The following ARHGEF4 variants were observed in gnomAD, a reference collection of about 807,000 sequenced individuals.
The protein encoded by ARHGEF4 is Rho guanine nucleotide exchange factor 4, also known as APC-stimulated guanine nucleotide exchange factor 1.
Under a neutral mutation model 162.0 loss-of-function variants are expected in ARHGEF4, and 119 were observed. The observed-to-expected ratio is 0.73, with a 90% CI of 0.63 to 0.86. The LOEUF is 0.86. Ranked by LOEUF, ARHGEF4 falls within the 40% of genes least tolerant of loss-of-function variation. ARHGEF4 has a pLI of 0.00. For synonymous variants in ARHGEF4, 1,014 were observed against 979.9 expected, an observed-to-expected ratio of 1.03 and a Z score of -0.65; for missense variants, 2,488 against 2,456.0, an observed-to-expected ratio of 1.01 and a Z score of -0.28.
chr2:130,915,940 A>G lies in ARHGEF4; in HGVS notation c.1994A>G (p.Glu665Gly). 5 of 1,550,582 alleles carry G rather than the reference A, an allele frequency of 3.2e-6. No individual in the cohort carries two copies. Among genetic ancestry groups the G allele is most frequent in the Non-Finnish European group, 4.4e-6 (5 of 1,146,990 alleles). ...CGTGACTTTCCTAAGGAAAGACCAGAATCTCCCTTGAGCACTGGCGAGACC... is the reference window on the plus strand; with the variant it reads ...CGTGACTTTCCTAAGGAAAGACCAGGATCTCCCTTGAGCACTGGCGAGACC... The part of the protein sequence containing the change: ...LPRDFPKERP[E>G]SPLSTGETPC... The change falls in exon 2 of 14, where the codon GAA (glutamate) becomes GGA (glycine). Residue 665 changes from glutamate (E) to glycine (G), a missense_variant. Glu to Gly is a moderately conservative substitution (Grantham distance 98). This residue lies in a region of ARHGEF4 where 1,642 missense variants were observed against 1,481.5 expected (regional missense o/e 1.11). Coordinates refer to ENST00000409359, the MANE Select transcript of ARHGEF4 (RefSeq NM_001367493.1).
In ARHGEF4 at chr2:131,003,254, C is replaced by T. The variant is rs574843788; in HGVS notation, c.3986-24691C>T. ...GAGGTCCAGGTCATGCCGTAAGACA[C>T]ACCCCCTCTGCACCTCAGTTCCTGA... On this transcript the variant is annotated intron_variant, in intron 4 of 13. Transcript: ENST00000409359. Among the ~76,000 whole-genome samples the T allele has an allele frequency of 3.0e-4, 46 of 152,330 alleles. No homozygotes were observed. The South Asian group carries it at 7.9e-3, about 26-fold the overall frequency.
At chr2:130,983,460 C>G (rs1040164152) in intron 4 of ARHGEF4, among the ~76,000 whole-genome samples, 2 of 152,052 alleles carry the variant, frequency 1.3e-5, no homozygotes, top group Non-Finnish European at 2.9e-5. Flanking sequence ...CAAAATATCT[C>G]CCAGAGACAA....
intron 4 of ARHGEF4, among the ~76,000 whole-genome samples, chr2:131,025,254 T>C (rs12616721): frequency 0.91 from 137,697 of 152,128 alleles, 63,014 homozygotes; most frequent in Non-Finnish European, 0.98. Context: ...GGGGAAGTGC[T>C]GCATACTTTT....
chr2:130,911,146 G>C (rs1193394597), intron 1 of ARHGEF4, among the ~76,000 whole-genome samples: 16 of 152,120 alleles, frequency 1.1e-4, no homozygotes, highest in Admixed American at 1.0e-3. Context: ...GGAGGAGGTG[G>C]GATGTGGGGC....
intron 4 of ARHGEF4, among the ~76,000 whole-genome samples, chr2:130,977,261 G>A (rs1483440380): frequency 1.3e-5 from 2 of 151,818 alleles, no homozygotes; most frequent in Non-Finnish European, 2.9e-5. Flanking sequence ...TGTGTAGTGT[G>A]TGGTATGTGC....
At chr2:130,945,872 T>G (rs1312526995) in intron 3 of ARHGEF4, among the ~76,000 whole-genome samples, 2 of 152,218 alleles carry the variant, frequency 1.3e-5, no homozygotes, top group Non-Finnish European at 2.9e-5. Context: ...TAAGCACTGT[T>G]TGCTTAATAG....
chr2:130,932,988 G>C (rs952417537), intron 3 of ARHGEF4, among the ~76,000 whole-genome samples: 1 of 152,084 alleles, frequency 6.6e-6, no homozygotes, highest in South Asian at 2.1e-4. Flanking sequence ...AAGCCGAGGC[G>C]GTGGATCACT....
chr2:130,966,647 T>C (rs544105335), intron 4 of ARHGEF4, among the ~76,000 whole-genome samples: 25 of 152,322 alleles, frequency 1.6e-4, no homozygotes, highest in South Asian at 4.1e-4. Context: ...AGCCAGTCTG[T>C]GCCAGCGAGG....
chr2:130,915,471 A>G lies in ARHGEF4; in HGVS notation c.1525A>G (p.Lys509Glu). The stretch of plus-strand genomic sequence containing the variant: ...AAACCAAACCAGTAATTACACATCA[A>G]AGTATGTGCTCAGCGAGGAAAGCAA... The part of the protein sequence containing the change: ...AGNQTSNYTS[K>E]YVLSEESKSP... The change falls in exon 2 of 14, where the codon AAG becomes GAG. Residue 509 changes from lysine to glutamate, a missense_variant. Physicochemically the swap from Lys to Glu is moderately conservative, Grantham distance 56 (BLOSUM62 1). This residue lies in a region of ARHGEF4 where 1,642 missense variants were observed against 1,481.5 expected (regional missense o/e 1.11). Coordinates refer to ENST00000409359, the MANE Select transcript of ARHGEF4 (RefSeq NM_001367493.1). 1 of 1,550,494 alleles carries G rather than the reference A, an allele frequency of 6.4e-7. No individual in the cohort carries two copies. The highest frequency in any genetic ancestry group is 2.4e-5 in the East Asian group (1 of 40,916).
In ARHGEF4 at chr2:130,836,932, T is replaced by G. The variant is rs1204549104; in HGVS notation, c.-22T>G. On this transcript the variant is annotated 5_prime_UTR_variant, in exon 1 of 14. Transcript: ENST00000409359. ...GCGGCTCGTAGTGCTGCGGCCGGGCTCCGGGCGTCCCGGCGGCCACCATGC... is the reference window on the plus strand; with the variant it reads ...GCGGCTCGTAGTGCTGCGGCCGGGCGCCGGGCGTCCCGGCGGCCACCATGC... 39 of 1,222,884 alleles carry G rather than the reference T, an allele frequency of 3.2e-5. No individual in the cohort carries two copies. The highest frequency in any genetic ancestry group is 2.9e-4 in the South Asian group (7 of 24,216). 75.8% of individuals were successfully genotyped at this position (1,222,884 alleles called of 1,614,324 possible). A position where few individuals can be genotyped will look rare whatever the true frequency, so the allele number is the denominator to read the frequency against.
intron 4 of ARHGEF4, among the ~76,000 whole-genome samples, chr2:131,009,126 T>C (rs1193506221): frequency 1.3e-5 from 2 of 152,226 alleles, no homozygotes; most frequent in African/African-American, 4.8e-5. Flanking sequence ...TTTTCTTTTT[T>C]TGGACAGCAG....
chr2:131,041,283 C>T lies in ARHGEF4; in HGVS notation c.4716C>T (p.Cys1572=), dbSNP rs756421247. The part of the protein sequence containing the change: ...SEYCNNHPNA[C]VELSRLTKLS... ...ACTGCAATAACCACCCCAACGCCTG[C>T]GTGGAGCTCTCCCGGCTCACCAAGC... is the stretch of plus-strand genomic sequence containing the variant. Residue 1572 remains cysteine (C), a synonymous_variant, in exon 9 of 14, where the codon TGC becomes TGT. Transcript: ENST00000409359. 3.7e-6 allele frequency: 6 copies of T among 1,613,920 alleles called. No homozygotes were observed. The highest frequency in any genetic ancestry group is 5.1e-6 in the Non-Finnish European group (6 of 1,180,034).
chr2:130,882,231 G>A (rs1031509661), intron 1 of ARHGEF4, among the ~76,000 whole-genome samples: 19 of 152,124 alleles, frequency 1.2e-4, no homozygotes, highest in African/African-American at 4.6e-4. Flanking sequence ...GAAGCAACAG[G>A]TGTGGTTGCC....
At chr2:130,884,580 TAA>T (rs1679395571) in intron 1 of ARHGEF4, among the ~76,000 whole-genome samples, 1 of 152,118 alleles carries the variant, frequency 6.6e-6, no homozygotes, top group African/African-American at 2.4e-5. Flanking sequence ...GCATGATTTT[TAA>T]TACTTTGAGG....
intron 1 of ARHGEF4, among the ~76,000 whole-genome samples, chr2:130,893,442 A>G (rs1304773579): frequency 4.6e-5 from 7 of 152,202 alleles, no homozygotes; most frequent in Admixed American, 2.6e-4. Context: ...TCTTTGAATT[A>G]TGGAGAATGA....
chr2:131,009,160 TCACCACCAGGGACACG>T (rs1408880482), intron 4 of ARHGEF4, among the ~76,000 whole-genome samples: 1 of 152,256 alleles, frequency 6.6e-6, no homozygotes, highest in Non-Finnish European at 1.5e-5. Context: ...GTCCTGTGGG[TCACCACCAGGGACACG>T]CACCTCCTTC....
intron 1 of ARHGEF4, among the ~76,000 whole-genome samples, chr2:130,854,114 G>A (rs1040822641): frequency 2.6e-5 from 4 of 152,158 alleles, no homozygotes; most frequent in African/African-American, 9.7e-5. Context: ...AAGAGAAACG[G>A]TAAATAAAAA....
At chr2:131,041,089 G>C (rs1036377898) in intron 8 of ARHGEF4, 141 bp from the exon 9 acceptor site, 1 of 697,396 alleles carries the variant, frequency 1.4e-6, no homozygotes, top group Non-Finnish European at 2.4e-6. Context: ...CAGGGAAATA[G>C]GTACACACAG....
intron 4 of ARHGEF4, among the ~76,000 whole-genome samples, chr2:131,012,871 G>A (rs752947773): frequency 2.6e-5 from 4 of 152,148 alleles, no homozygotes; most frequent in Admixed American, 6.5e-5. Context: ...GTGAGCCACC[G>A]CGCCTGGCTA....
Sources: gnomAD v4.1 joint callset for allele counts (sites outside exome capture counted in the v4.1 genomes callset) on GRCh38, gnomAD v4.1.1 for gene constraint, gnomAD v4.1.1 regional missense constraint, MANE v1.5 for transcripts, NCBI Gene and HGNC (gene_info 2026-07-23, HGNC 2026-07-21) for gene names.